The following STAB2 variants were observed in gnomAD, a reference collection of about 807,000 sequenced individuals.
The protein encoded by STAB2 is stabilin-2.
In STAB2, 288 loss-of-function variants were observed where a neutral mutation model predicts 338.1. The observed-to-expected ratio is 0.85, with a 90% CI of 0.77 to 0.94. The LOEUF is 0.94. STAB2 is among the 40% of genes least tolerant of loss of function. STAB2 has a pLI of 0.00. For missense variants in STAB2, 3,141 were observed against 3,210.1 expected, an observed-to-expected ratio of 0.98 and a Z score of 0.52; for synonymous variants, 1,202 against 1,193.3, an observed-to-expected ratio of 1.01 and a Z score of -0.15.
At chr12:103,660,181 A>G in intron 15 of STAB2, 150 bp from the exon 16 acceptor site, 1 of 779,564 alleles carries the variant, frequency 1.3e-6, no homozygotes, top group Non-Finnish European at 2.2e-6. Flanking sequence ...AACGTTAGCT[A>G]TTTGGAGGTG....
At chr12:103,677,885 G>A (rs374737500) in intron 25 of STAB2, among the ~76,000 whole-genome samples, 13 of 152,288 alleles carry the variant, frequency 8.5e-5, no homozygotes, top group African/African-American at 2.6e-4. Context: ...CTCCAGGGCC[G>A]CCCTCTTAGT....
At chr12:103,683,715 C>G (rs1317011416) in intron 26 of STAB2, among the ~76,000 whole-genome samples, 1 of 152,182 alleles carries the variant, frequency 6.6e-6, no homozygotes, top group Non-Finnish European at 1.5e-5. Context: ...ACCGGACTTC[C>G]ATTTCGAATG....
At chr12:103,646,331 T>C (rs1873333500) in intron 9 of STAB2, among the ~76,000 whole-genome samples, 1 of 152,236 alleles carries the variant, frequency 6.6e-6, no homozygotes. Flanking sequence ...GCACTTACAA[T>C]GAAACTTCAT....
intron 31 of STAB2, 30 bp downstream of exon 31, chr12:103,692,919 G>A (rs754173429): frequency 6.3e-7 from 1 of 1,580,418 alleles, no homozygotes; most frequent in South Asian, 1.1e-5. Flanking sequence ...TGTGCGTGCA[G>A]CATCTCTTTT....
At chr12:103,673,564 G>T (rs1442339408) in intron 22 of STAB2, among the ~76,000 whole-genome samples, 1 of 152,086 alleles carries the variant, frequency 6.6e-6, no homozygotes, top group African/African-American at 2.4e-5. Context: ...GCCCAGGCTT[G>T]TCTCAAACTC....
chr12:103,646,573 G>A (rs901395345), intron 9 of STAB2, among the ~76,000 whole-genome samples: 6 of 152,202 alleles, frequency 3.9e-5, no homozygotes, highest in African/African-American at 1.4e-4. Context: ...ACTCAAGGAG[G>A]TCAAGTGGCC....
chr12:103,687,494 C>A (rs1341951183), intron 27 of STAB2, among the ~76,000 whole-genome samples: 1 of 152,134 alleles, frequency 6.6e-6, no homozygotes, highest in African/African-American at 2.4e-5. Flanking sequence ...CTTATAGCTT[C>A]CCTTCACCCC....
At chr12:103,619,784 C>T (rs527418465) in intron 3 of STAB2, among the ~76,000 whole-genome samples, 1 of 151,654 alleles carries the variant, frequency 6.6e-6, no homozygotes, top group Non-Finnish European at 1.5e-5. Flanking sequence ...CTCTCACACC[C>T]AGCTCCCAAG....
At position 103,594,400 on chromosome 12, in the gene STAB2, C is replaced by A; in HGVS notation, c.221C>A (p.Thr74Asn). ...GSVGVRDCRY[T>N]FEVRTYSLSL... ...TCCTCTCTTTACCCTCCAAGGTACA[C>A]CTTTGAGGTCAGAACATACTCTCTG... The change falls in exon 3 of 69, where the codon ACC (threonine) becomes AAC (asparagine). Residue 74 changes from threonine (T) to asparagine (N), a missense_variant. By Grantham distance (65) the Thr-to-Asn change is moderately conservative. Transcript: ENST00000388887. The A allele has an allele frequency of 3.1e-6, 5 of 1,613,608 alleles. No individual in the cohort carries two copies. Among genetic ancestry groups the A allele is most frequent in the Non-Finnish European group, 4.2e-6 (5 of 1,179,624 alleles).
Position 103,745,252 on chromosome 12 carries a change from A to G in STAB2, c.6111A>G (p.Thr2037=). 5 of 1,613,880 alleles carry G rather than the reference A, an allele frequency of 3.1e-6. No individual in the cohort carries two copies. Among genetic ancestry groups the G allele is most frequent in the Non-Finnish European group, 3.4e-6 (4 of 1,179,950 alleles). Residue 2037 remains threonine (T), a synonymous_variant, in exon 57 of 69, where the codon ACA becomes ACG. Transcript: ENST00000388887. ...AGTGCCTCTGTGAAACGGGGTGGACAGGCCCCTCGTGTGACACTCAGGCAG... is the reference window on the plus strand; with the variant it reads ...AGTGCCTCTGTGAAACGGGGTGGACGGGCCCCTCGTGTGACACTCAGGCAG... ...SGQCLCETGW[T]GPSCDTQAVL...
chr12:103,601,607 A>AG (rs2138564153), intron 3 of STAB2, among the ~76,000 whole-genome samples: 1 of 152,350 alleles, frequency 6.6e-6, no homozygotes, highest in African/African-American at 2.4e-5. Context: ...GAAAAGAAAA[A>AG]GAAACCCTTA....
chr12:103,711,047 A>T (rs1172507856), intron 39 of STAB2, among the ~76,000 whole-genome samples: 1 of 152,248 alleles, frequency 6.6e-6, no homozygotes, highest in East Asian at 1.9e-4. Flanking sequence ...TGTTTACAGC[A>T]CTCCATAATA....
chr12:103,756,249 G>A lies in STAB2; in HGVS notation c.6987+531G>A, dbSNP rs146426742. Among the ~76,000 whole-genome samples the A allele has an allele frequency of 2.1e-3, 326 of 152,294 alleles. 1 individual carries two copies. The highest frequency in any genetic ancestry group is 7.3e-3 in the African/African-American group (303 of 41,548). On this transcript the variant is annotated intron_variant, in intron 63 of 68. Coordinates refer to ENST00000388887, the MANE Select transcript of STAB2 (RefSeq NM_017564.10). ...CAATATTCTACAAGTCATATCCAGC[G>A]AAGAGAAAGCCTCATCTGGAGAAAG...
chr12:103,735,671 T>C (rs1882059430), intron 52 of STAB2, 91 bp downstream of exon 52: 1 of 1,090,724 alleles, frequency 9.2e-7, no homozygotes, highest in Non-Finnish European at 1.3e-6. Context: ...GAGATGTTCA[T>C]TTTTTCCCCT....
At chr12:103,759,023 C>A in intron 64 of STAB2, 110 bp from the exon 65 acceptor site, 1 of 1,562,264 alleles carries the variant, frequency 6.4e-7, no homozygotes, top group South Asian at 1.1e-5. Context: ...CACATGGAGG[C>A]AGGAAAGCCT....
At chr12:103,687,156 A>G (rs1399215962) in intron 27 of STAB2, among the ~76,000 whole-genome samples, 1 of 152,164 alleles carries the variant, frequency 6.6e-6, no homozygotes, top group East Asian at 1.9e-4. Flanking sequence ...ATATTTTCAC[A>G]TATATTAATG....
intron 56 of STAB2, among the ~76,000 whole-genome samples, chr12:103,743,302 T>C (rs1335506169): frequency 1.3e-5 from 2 of 152,112 alleles, no homozygotes; most frequent in East Asian, 1.9e-4. Context: ...GGATTACAGG[T>C]GTGAGCCACT....
rs574405290 is a variant in STAB2 at position 103,725,964 on chromosome 12, C to T, written c.4804-152C>T. 1.4e-4 allele frequency: 90 copies of T among 635,556 alleles called. No homozygotes were observed. In the South Asian group the frequency reaches 1.7e-3, roughly 12 times the overall value. 39.4% of individuals were successfully genotyped at this position (635,556 alleles called of 1,614,324 possible). On this transcript the variant is annotated intron_variant, in intron 45 of 68. Coordinates refer to ENST00000388887, the MANE Select transcript of STAB2 (RefSeq NM_017564.10). ...ACTATGTCCACATAGTCATTCTGAA[C>T]GTTAATTGTCAGCCTACAGATGAAG...
At chr12:103,604,405 C>T (rs772681933) in intron 3 of STAB2, among the ~76,000 whole-genome samples, 3 of 152,014 alleles carry the variant, frequency 2.0e-5, no homozygotes, top group South Asian at 2.1e-4. Context: ...ATTCCCTCTT[C>T]GATTACCTGG....
Sources: gnomAD v4.1 joint callset for allele counts (sites outside exome capture counted in the v4.1 genomes callset) on GRCh38, gnomAD v4.1.1 for gene constraint, MANE v1.5 for transcripts, NCBI Gene and HGNC (gene_info 2026-07-23, HGNC 2026-07-21) for gene names.